Variants in NEDD4L observed in about 807,000 individuals in gnomAD.
NEDD4L encodes the protein NEDD4 like E3 ubiquitin protein ligase.
NEDD4L carries 54 observed loss-of-function variants against 148.9 expected under a neutral mutation model. That is an observed-to-expected ratio of 0.36 (90% confidence interval 0.29 to 0.45). NEDD4L has a LOEUF of 0.45. Among genes scored for constraint, NEDD4L ranks in the 20% least tolerant of loss-of-function variants. The probability of loss-of-function intolerance (pLI) is 1.00; values close to 1 mark genes in which losing one functional copy is unlikely to be tolerated. For missense variants in NEDD4L, 856 were observed against 1,233.8 expected, an observed-to-expected ratio of 0.69 and a Z score of 4.59; for synonymous variants, 433 against 440.7, an observed-to-expected ratio of 0.98 and a Z score of 0.22.
At chr18:58,154,756 C>T (rs2035253388) in intron 1 of NEDD4L, among the ~76,000 whole-genome samples, 1 of 152,206 alleles carries the variant, frequency 6.6e-6, no homozygotes, top group Non-Finnish European at 1.5e-5. Flanking sequence ...CCGTTGCACT[C>T]CAGCCTGAGT....
At chr18:58,353,387 T>C (rs1421205880) in intron 18 of NEDD4L, among the ~76,000 whole-genome samples, 1 of 152,238 alleles carries the variant, frequency 6.6e-6, no homozygotes, top group Non-Finnish European at 1.5e-5. Flanking sequence ...GAGATTAAAA[T>C]TTATTTTGCC....
chr18:58,322,383 A>T, intron 6 of NEDD4L, 42 bp from the exon 7 acceptor site: 1 of 1,335,272 alleles, frequency 7.5e-7, no homozygotes, highest in Non-Finnish European at 1.1e-6. Context: ...ACATGAAATT[A>T]TTAGGAATAT....
In NEDD4L at chr18:58,324,870, C is replaced by T. The variant is rs578103888; in HGVS notation, c.514-126C>T. ...TTGGGAATTTACTCAAATGTGGCCC[C>T]GAAGCCATGGCTAGAGCCAGAGAGC... is the stretch of plus-strand genomic sequence containing the variant. On this transcript the variant is annotated intron_variant, in intron 8 of 30. Transcript: ENST00000400345. 408 of 840,044 alleles carry T rather than the reference C, an allele frequency of 4.9e-4. 2 individuals carry two copies. The African/African-American group carries it at 5.8e-3, about 12-fold the overall frequency. The allele number at this position is 840,044 out of a possible 1,614,324, so 52.0% of individuals were successfully genotyped here.
intron 24 of NEDD4L, among the ~76,000 whole-genome samples, chr18:58,376,540 G>T (rs76955376): frequency 0.035 from 5,278 of 152,154 alleles, 294 homozygotes; most frequent in African/African-American, 0.12. Flanking sequence ...GTCCATCAGC[G>T]AGTTGTTCAC....
At chr18:58,264,222 G>A (rs1013868101) in intron 5 of NEDD4L, among the ~76,000 whole-genome samples, 1 of 151,950 alleles carries the variant, frequency 6.6e-6, no homozygotes, top group Admixed American at 6.6e-5. Context: ...ACATTAGCAC[G>A]CATTATTAGG....
intron 24 of NEDD4L, among the ~76,000 whole-genome samples, chr18:58,381,066 A>G (rs2048275773): frequency 6.6e-6 from 1 of 152,232 alleles, no homozygotes; most frequent in African/African-American, 2.4e-5. Flanking sequence ...TACATAATAT[A>G]TATAGCATAC....
At chr18:58,147,199 G>A (rs1160885658) in intron 1 of NEDD4L, among the ~76,000 whole-genome samples, 3 of 152,126 alleles carry the variant, frequency 2.0e-5, no homozygotes, top group Admixed American at 6.5e-5. Flanking sequence ...GTGAGAGTGC[G>A]GTTGAGCTGG....
At chr18:58,232,190 C>A (rs2045323963) in intron 2 of NEDD4L, among the ~76,000 whole-genome samples, 2 of 152,176 alleles carry the variant, frequency 1.3e-5, no homozygotes, top group South Asian at 2.1e-4. Flanking sequence ...TGTGTAGGAA[C>A]AACACTCTAC....
At chr18:58,089,374 A>G (rs564802825) in intron 1 of NEDD4L, among the ~76,000 whole-genome samples, 1 of 152,156 alleles carries the variant, frequency 6.6e-6, no homozygotes, top group East Asian at 1.9e-4. Flanking sequence ...ACCTCAGGTG[A>G]TCCACCTGCC....
intron 29 of NEDD4L, among the ~76,000 whole-genome samples, chr18:58,391,238 A>C (rs2049796290): frequency 6.6e-6 from 1 of 152,110 alleles, no homozygotes; most frequent in African/African-American, 2.4e-5. Flanking sequence ...CTGCCTTTCC[A>C]CGTAACTGTT....
chr18:58,220,266 C>T (rs1052381148), intron 2 of NEDD4L, among the ~76,000 whole-genome samples: 42 of 152,232 alleles, frequency 2.8e-4, no homozygotes, highest in East Asian at 3.9e-4. Flanking sequence ...ATTAGTGGAG[C>T]GTGGTGGCTC....
Position 58,367,651 on chromosome 18 carries a change from G to A in NEDD4L, c.2064-95G>A, listed in dbSNP as rs2046302060. On this transcript the variant is annotated intron_variant, in intron 21 of 30. Coordinates refer to ENST00000400345, the MANE Select transcript of NEDD4L (RefSeq NM_001144967.3). ...CCACTAGGTACAGAATGCTCGCAGG[G>A]ACACTGTAAAAGTTGAGTGACAGGT... 7 of 1,349,046 alleles carry A rather than the reference G, an allele frequency of 5.2e-6. No homozygotes were observed. In the South Asian group the frequency reaches 8.6e-5, roughly 17 times the overall value. 83.6% of individuals were successfully genotyped at this position (1,349,046 alleles called of 1,614,324 possible). A position where few individuals can be genotyped will look rare whatever the true frequency, so the allele number is the denominator to read the frequency against.
chr18:58,368,056 C>T (rs574830903), intron 22 of NEDD4L, among the ~76,000 whole-genome samples, 189 bp downstream of exon 22: 1 of 152,242 alleles, frequency 6.6e-6, no homozygotes, highest in Non-Finnish European at 1.5e-5. Context: ...ATAGTGTCTA[C>T]ACACAGTTAA....
intron 5 of NEDD4L, chr18:58,314,532 T>C (rs1438805908): frequency 6.6e-6 from 1 of 152,256 alleles, no homozygotes; most frequent in African/African-American, 2.4e-5. Flanking sequence ...ATTAGGTCTG[T>C]GAGCTGGATA....
intron 1 of NEDD4L, among the ~76,000 whole-genome samples, chr18:58,128,438 A>G (rs2031523247): frequency 6.6e-6 from 1 of 152,194 alleles, no homozygotes; most frequent in African/African-American, 2.4e-5. Flanking sequence ...GGGAATTGGT[A>G]TGTCCAGCTG....
At chr18:58,097,373 C>T (rs2084480423) in intron 1 of NEDD4L, among the ~76,000 whole-genome samples, 1 of 152,086 alleles carries the variant, frequency 6.6e-6, no homozygotes, top group African/African-American at 2.4e-5. Flanking sequence ...GCATTCCATC[C>T]CTGGGACAAG....
intron 9 of NEDD4L, among the ~76,000 whole-genome samples, 200 bp from the exon 10 acceptor site, chr18:58,328,795 T>C (rs2059540259): frequency 6.6e-6 from 1 of 152,240 alleles, no homozygotes. Flanking sequence ...AAACTGCATT[T>C]ATTTGATTGA....
chr18:58,362,560 A>G (rs1855907977), intron 19 of NEDD4L, among the ~76,000 whole-genome samples: 3 of 152,114 alleles, frequency 2.0e-5, no homozygotes, highest in South Asian at 2.1e-4. Context: ...TTTAGTTCCT[A>G]TGGGGTCATT....
At chr18:58,376,328 A>G (rs905374513) in intron 24 of NEDD4L, among the ~76,000 whole-genome samples, 1 of 152,190 alleles carries the variant, frequency 6.6e-6, no homozygotes, top group African/African-American at 2.4e-5. Context: ...TTTGGGTAGG[A>G]TCAAGTAGAG....
Sources: gnomAD v4.1 joint callset for allele counts (sites outside exome capture counted in the v4.1 genomes callset) on GRCh38, gnomAD v4.1.1 for gene constraint, MANE v1.5 for transcripts, NCBI Gene and HGNC (gene_info 2026-07-23, HGNC 2026-07-21) for gene names.